SERTAD4: variants seen among roughly 807,000 people sequenced by gnomAD.
The protein encoded by SERTAD4 is SERTA domain containing 4, also known as SERTA domain-containing protein 4.
In SERTAD4, 18 loss-of-function variants were observed where a neutral mutation model predicts 32.9. The observed-to-expected ratio is 0.55, with a 90% CI of 0.38 to 0.81. The LOEUF is 0.81. SERTAD4 is among the 30% of genes least tolerant of loss of function. The probability of loss-of-function intolerance (pLI) is 0.00; values close to 1 mark genes in which losing one functional copy is unlikely to be tolerated. For missense variants in SERTAD4, 383 were observed against 426.0 expected (o/e 0.90, Z 0.89); for synonymous variants, 150 against 156.4 (o/e 0.96, Z 0.30).
chr1:210,238,607 G>A (rs529296979), intron 2 of SERTAD4, among the ~76,000 whole-genome samples: 6 of 152,242 alleles, frequency 3.9e-5, no homozygotes, highest in South Asian at 2.1e-4. Context: ...TTATTGGAAC[G>A]CTAAGCTTGT....
At position 210,242,305 on chromosome 1, in the gene SERTAD4, A is replaced by G; in HGVS notation, c.1039A>G (p.Lys347Glu). ...RKKEASPPSN[K>E]LCCSKGSKI ...AAAGGAGGCTTCACCACCAAGTAAC[A>G]AACTGTGCTGCAGCAAAGGAAGTAA... Residue 347 changes from lysine (K) to glutamate (E), a missense_variant, in exon 4 of 4, where the codon AAA becomes GAA. Lys to Glu is a moderately conservative substitution (Grantham distance 56). Around this residue, in one of 3 missense-constraint regions of SERTAD4, gnomAD observed 180 missense variants for 190.6 expected, o/e 0.94. Coordinates refer to ENST00000367012, the MANE Select transcript of SERTAD4 (RefSeq NM_019605.5). The surrounding 1 kb of genome is among the most constrained non-coding windows in gnomAD (Gnocchi z 4.0). 1 of 1,598,156 alleles carries G rather than the reference A, an allele frequency of 6.3e-7. No homozygotes were observed. The highest frequency in any genetic ancestry group is 8.5e-7 in the Non-Finnish European group (1 of 1,173,870).
rs201624416 is a variant in SERTAD4 at position 210,238,112 on chromosome 1, G to A, written c.152G>A (p.Arg51Gln). ...GPAQAPLQGD[R>Q]GAGPPLAGSH... Reference sequence around the variant, plus strand: ...GCACAAGCTCCTTTGCAGGGAGACCGGGGAGCTGGTCCCCCACTGGCAGGT... The same window carrying A: ...GCACAAGCTCCTTTGCAGGGAGACCAGGGAGCTGGTCCCCCACTGGCAGGT... The change falls in exon 2 of 4, where the codon CGG (arginine) becomes CAG (glutamine). Residue 51 changes from arginine (R) to glutamine (Q), a missense_variant. Arg to Gln is a conservative substitution (Grantham distance 43). Transcript: ENST00000367012. 1.0e-4 allele frequency: 165 copies of A among 1,609,288 alleles called. No individual in the cohort carries two copies. The highest frequency in any genetic ancestry group is 1.0e-4 in the Non-Finnish European group (119 of 1,178,394).
At chr1:210,236,462 AAGGT>A (rs998215825) in intron 1 of SERTAD4, among the ~76,000 whole-genome samples, 4 of 152,206 alleles carry the variant, frequency 2.6e-5, no homozygotes, top group African/African-American at 9.7e-5. Flanking sequence ...GACTGGGTGA[AAGGT>A]AGAGTCATTG....
Position 210,245,279 on chromosome 1 carries a change from GA to G in SERTAD4, c.*2945del, listed in dbSNP as rs35954679. ...TAAATGAGGGGAAATCTTCATTTAA[GA>G]AAGTTGCCTTGCTCCCCAAGAGTGC... On this transcript the variant is annotated 3_prime_UTR_variant, in exon 4 of 4. Transcript: ENST00000367012. 2.6e-5 allele frequency: 4 copies of G among 152,190 alleles called. No homozygotes were observed. Among genetic ancestry groups the G allele is most frequent in the African/African-American group, 9.6e-5 (4 of 41,452 alleles). 9.4% of individuals were successfully genotyped at this position (152,190 alleles called of 1,614,324 possible).
intron 3 of SERTAD4, among the ~76,000 whole-genome samples, chr1:210,240,193 AAAC>A (rs201858393): frequency 0.023 from 3,498 of 152,276 alleles, 153 homozygotes; most frequent in African/African-American, 0.08. Flanking sequence ...TTAAAAAAAA[AAAC>A]AAGATGGGGA....
chr1:210,233,641 G>C, intron 1 of SERTAD4: 2 of 468,512 alleles, frequency 4.3e-6, no homozygotes, highest in South Asian at 1.6e-5. Flanking sequence ...TCACCTCCTC[G>C]GCGGGCTGAG....
downstream of SERTAD4, chr1:210,246,456 G>T: frequency 2.0e-6 from 1 of 498,970 alleles, no homozygotes; most frequent in Non-Finnish European, 2.6e-6. Context: ...TTGCAAAGAT[G>T]TAAGTTATGA....
At chr1:210,233,438 C>G (rs891115327) in intron 1 of SERTAD4, among the ~76,000 whole-genome samples, 1 of 152,134 alleles carries the variant, frequency 6.6e-6, no homozygotes, top group Non-Finnish European at 1.5e-5. Context: ...AGGAGGGGTG[C>G]CCCCAGGTCC....
At position 210,241,534 on chromosome 1, in the gene SERTAD4, C is replaced by CTTTTTTTTTTTTTTT. The variant is rs77835150; in HGVS notation, c.292-10_292-9insTTTTTTTTTTTTTTT. On this transcript the variant is annotated intron_variant, in intron 3 of 3. Coordinates refer to ENST00000367012, the MANE Select transcript of SERTAD4 (RefSeq NM_019605.5). Reference sequence around the variant, plus strand: ...TCTTCCTTTTTCTGTTTGTTTTTTTCTTTTTTTTTTTTTTGGTTTGTAGAC... The same window carrying CTTTTTTTTTTTTTTT: ...TCTTCCTTTTTCTGTTTGTTTTTTTCTTTTTTTTTTTTTTTTTTTTTTTTTTTTTGGTTTGTAGAC... The CTTTTTTTTTTTTTTT allele has an allele frequency of 9.0e-6, 10 of 1,111,008 alleles. No individual in the cohort carries two copies. The East Asian group carries it at 1.3e-4, about 14-fold the overall frequency. 68.8% of individuals were successfully genotyped at this position (1,111,008 alleles called of 1,614,324 possible).
At chr1:210,241,474 G>T in intron 3 of SERTAD4, 84 bp from the exon 4 acceptor site, 1 of 1,337,494 alleles carries the variant, frequency 7.5e-7, no homozygotes, top group Non-Finnish European at 1.0e-6. Flanking sequence ...ATGCTATGAT[G>T]ATGTTTTCAT....
chr1:210,242,893 C>T lies in SERTAD4; in HGVS notation c.*556C>T. On this transcript the variant is annotated 3_prime_UTR_variant, in exon 4 of 4. Coordinates refer to ENST00000367012, the MANE Select transcript of SERTAD4 (RefSeq NM_019605.5). This position sits in a 1 kb window ranked among gnomAD's most constrained non-coding sequence, Gnocchi z 4.0. Reference sequence around the variant, plus strand: ...AAATAGGATGTAACATAATGAAACACACCTGTCTAGGGGCGGCAATCAACA... The same window carrying T: ...AAATAGGATGTAACATAATGAAACATACCTGTCTAGGGGCGGCAATCAACA... The T allele has an allele frequency of 2.0e-6, 2 of 985,944 alleles. No homozygotes were observed. Among genetic ancestry groups the T allele is most frequent in the Non-Finnish European group, 2.4e-6 (2 of 830,148 alleles). The allele number at this position is 985,944 out of a possible 1,614,324, so 61.1% of individuals were successfully genotyped here.
At chr1:210,235,197 G>A (rs1291804004) in intron 1 of SERTAD4, among the ~76,000 whole-genome samples, 1 of 152,134 alleles carries the variant, frequency 6.6e-6, no homozygotes, top group Non-Finnish European at 1.5e-5. Context: ...CGAATTTGTG[G>A]ACTTGAATTG....
Position 210,238,150 on chromosome 1 carries a change from C to T in SERTAD4, c.175+15C>T, listed in dbSNP as rs752302340. 22 of 1,540,170 alleles carry T rather than the reference C, an allele frequency of 1.4e-5. No individual in the cohort carries two copies. The Admixed American group carries it at 3.3e-4, about 23-fold the overall frequency. On this transcript the variant is annotated intron_variant, in intron 2 of 3. Transcript: ENST00000367012. ...CCCACTGGCAGGTATTGCCCTTGACCTGCGCCCATCCCCCCCACCCCTCGC... is the reference window on the plus strand; with the variant it reads ...CCCACTGGCAGGTATTGCCCTTGACTTGCGCCCATCCCCCCCACCCCTCGC...
chr1:210,234,595 G>T (rs1187339191), intron 1 of SERTAD4, among the ~76,000 whole-genome samples: 1 of 152,154 alleles, frequency 6.6e-6, no homozygotes, highest in African/African-American at 2.4e-5. Flanking sequence ...GGAGGTCAGG[G>T]GCTTGATGCC....
rs2083892406 is a variant in SERTAD4 at position 210,233,003 on chromosome 1, G to C, written c.-26G>C. 1 of 150,876 alleles carries C rather than the reference G, an allele frequency of 6.6e-6. No individual in the cohort carries two copies. Among genetic ancestry groups the C allele is most frequent in the African/African-American group, 2.4e-5 (1 of 41,288 alleles). 9.3% of individuals were successfully genotyped at this position (150,876 alleles called of 1,614,324 possible). A position where few individuals can be genotyped will look rare whatever the true frequency, so the allele number is the denominator to read the frequency against. On this transcript the variant is annotated 5_prime_UTR_variant, in exon 1 of 4. Coordinates refer to ENST00000367012, the MANE Select transcript of SERTAD4 (RefSeq NM_019605.5). Reference sequence around the variant, plus strand: ...GCGCTGCGGCCGCCGCCTCCCCGCTGACCCCGCGGTAAGAGCCGGGCTGGG... The same window carrying C: ...GCGCTGCGGCCGCCGCCTCCCCGCTCACCCCGCGGTAAGAGCCGGGCTGGG...
rs1267894321 is a variant in SERTAD4, at chr1:210,244,732, A to C, written c.*2395A>C. The C allele has an allele frequency of 1.3e-5, 2 of 152,028 alleles. No individual in the cohort carries two copies. Among genetic ancestry groups the C allele is most frequent in the African/African-American group, 4.8e-5 (2 of 41,400 alleles). The allele number at this position is 152,028 out of a possible 1,614,324, so 9.4% of individuals were successfully genotyped here. A position where few individuals can be genotyped will look rare whatever the true frequency, so the allele number is the denominator to read the frequency against. On this transcript the variant is annotated 3_prime_UTR_variant, in exon 4 of 4. Coordinates refer to ENST00000367012, the MANE Select transcript of SERTAD4 (RefSeq NM_019605.5). Reference sequence around the variant, plus strand: ...GAAGGCCAAAGCTGTAAAATGACAAAGTTGGTGATTTTCAGCAGCACTCAC... The same window carrying C: ...GAAGGCCAAAGCTGTAAAATGACAACGTTGGTGATTTTCAGCAGCACTCAC...
chr1:210,242,390 G>GTAAA lies in SERTAD4; in HGVS notation c.*55_*58dup. 6.6e-7 allele frequency: 1 copy of GTAAA among 1,515,714 alleles called. No individual in the cohort carries two copies. Among genetic ancestry groups the GTAAA allele is most frequent in the Admixed American group, 2.3e-5 (1 of 43,570 alleles). The allele number at this position is 1,515,714 out of a possible 1,614,324, so 93.9% of individuals were successfully genotyped here. The stretch of plus-strand genomic sequence containing the variant: ...TGCACAGCATGATCAGTTAGCTCTC[G>GTAAA]TAAATTTTATTTTGAATGGATTTTG... On this transcript the variant is annotated 3_prime_UTR_variant, in exon 4 of 4. Transcript: ENST00000367012. This position sits in a 1 kb window ranked among gnomAD's most constrained non-coding sequence, Gnocchi z 4.0.
rs1483568528 is a variant in SERTAD4, at chr1:210,245,855, G to A, written c.*3518G>A. 13 of 985,176 alleles carry A rather than the reference G, an allele frequency of 1.3e-5. No individual in the cohort carries two copies. Among genetic ancestry groups the A allele is most frequent in the South Asian group, 9.4e-5 (2 of 21,288 alleles). The allele number at this position is 985,176 out of a possible 1,614,324, so 61.0% of individuals were successfully genotyped here. A position where few individuals can be genotyped will look rare whatever the true frequency, so the allele number is the denominator to read the frequency against. Reference sequence around the variant, plus strand: ...ATGACCATTAAGAGACATCAACTTCGCAACAAATATAAGACAAGGATACAA... The same window carrying A: ...ATGACCATTAAGAGACATCAACTTCACAACAAATATAAGACAAGGATACAA... On this transcript the variant is annotated 3_prime_UTR_variant, in exon 4 of 4. Coordinates refer to ENST00000367012, the MANE Select transcript of SERTAD4 (RefSeq NM_019605.5).
chr1:210,245,937 A>G lies in SERTAD4; in HGVS notation c.*3600A>G, dbSNP rs1018851601. ...ATCCTTCTAACAAATGGTGAGCAGG[A>G]GACTTTTTTGGAAATAATTAGTTGT... On this transcript the variant is annotated 3_prime_UTR_variant, in exon 4 of 4. Coordinates refer to ENST00000367012, the MANE Select transcript of SERTAD4 (RefSeq NM_019605.5). 5 of 985,072 alleles carry G rather than the reference A, an allele frequency of 5.1e-6. No individual in the cohort carries two copies. Among genetic ancestry groups the G allele is most frequent in the East Asian group, 1.1e-4 (1 of 8,834 alleles). The allele number at this position is 985,072 out of a possible 1,614,324, so 61.0% of individuals were successfully genotyped here.
Sources: allele counts gnomAD v4.1 joint callset (sites outside exome capture counted in the v4.1 genomes callset), GRCh38; gene constraint gnomAD v4.1.1; regional missense constraint gnomAD v4.1.1; non-coding constraint Gnocchi (gnomAD v3.1); transcripts MANE v1.5; gene names NCBI Gene and HGNC (gene_info 2026-07-23, HGNC 2026-07-21).